Variants in SLCO5A1 observed in about 807,000 individuals in gnomAD.
The protein encoded by SLCO5A1 is organic anion transporter polypeptide-related protein 4.
Under a neutral mutation model 65.1 loss-of-function variants are expected in SLCO5A1, and 39 were observed. That is an observed-to-expected ratio of 0.60 (90% CI 0.46 to 0.78). SLCO5A1 has a LOEUF of 0.78. Among genes scored for constraint, SLCO5A1 ranks in the 30% least tolerant of loss-of-function variants. SLCO5A1 has a pLI of 0.00. For synonymous variants in SLCO5A1, 438 were observed against 415.7 expected, an observed-to-expected ratio of 1.05 and a Z score of -0.65; for missense variants, 1,029 against 1,069.4, an observed-to-expected ratio of 0.96 and a Z score of 0.53.
Position 69,672,801 on chromosome 8 carries a change from G to A in SLCO5A1, c.*68C>T. On this transcript the variant is annotated 3_prime_UTR_variant, in exon 10 of 10. Coordinates refer to ENST00000260126, the MANE Select transcript of SLCO5A1 (RefSeq NM_030958.3). ...AAAAAAAAGAAAGAAAGAAAAGAAG[G>A]CACAGTTGTTTCTCAAGTCGCCATT... The A allele has an allele frequency of 1.3e-6, 2 of 1,484,930 alleles. No individual in the cohort carries two copies. The highest frequency in any genetic ancestry group is 2.3e-5 in the East Asian group (1 of 43,940). 92.0% of individuals were successfully genotyped at this position (1,484,930 alleles called of 1,614,324 possible). A position where few individuals can be genotyped will look rare whatever the true frequency, so the allele number is the denominator to read the frequency against.
intron 2 of SLCO5A1, among the ~76,000 whole-genome samples, chr8:69,810,304 G>T (rs1164319340): frequency 6.6e-6 from 1 of 152,182 alleles, no homozygotes; most frequent in Non-Finnish European, 1.5e-5. Context: ...CCAGGCAGTG[G>T]GCATAAGCAG....
intron 2 of SLCO5A1, among the ~76,000 whole-genome samples, chr8:69,778,813 A>G (rs188689990): frequency 5.1e-4 from 77 of 152,326 alleles, no homozygotes; most frequent in Middle Eastern, 3.4e-3. Context: ...GGCACCTGAC[A>G]CATCCTGAAC....
intron 2 of SLCO5A1, among the ~76,000 whole-genome samples, chr8:69,800,249 T>TA (rs1819675819): frequency 7.0e-6 from 1 of 141,952 alleles, no homozygotes; most frequent in Non-Finnish European, 1.5e-5. Flanking sequence ...GCTTGAATTT[T>TA]TTTTTTTTTT....
chr8:69,680,078 C>T (rs1191978936), intron 7 of SLCO5A1, among the ~76,000 whole-genome samples: 1 of 152,184 alleles, frequency 6.6e-6, no homozygotes, highest in Non-Finnish European at 1.5e-5. Context: ...ATAGTGCAAT[C>T]GTGATGACTT....
At chr8:69,758,715 G>A (rs973486105) in intron 3 of SLCO5A1, among the ~76,000 whole-genome samples, 8 of 152,126 alleles carry the variant, frequency 5.3e-5, no homozygotes, top group Non-Finnish European at 1.0e-4. Context: ...AAATAACATC[G>A]ATACAACACA....
intron 6 of SLCO5A1, among the ~76,000 whole-genome samples, chr8:69,686,238 A>AAAAAAAAAG (rs1159085565): frequency 3.2e-4 from 48 of 151,970 alleles, no homozygotes; most frequent in South Asian, 6.2e-4. Context: ...CAGCAAAAAA[A>AAAAAAAAAG]AGAGAGAGAA....
In SLCO5A1 at chr8:69,688,144, CA is replaced by C. The variant is rs925822239; in HGVS notation, c.1623-5802del. Reference sequence around the variant, plus strand: ...CAAACATTGTGTCTCCAAATAGAGCCAAAAAAAAGACGAACTCATATATTTA... The same window carrying C: ...CAAACATTGTGTCTCCAAATAGAGCCAAAAAAAGACGAACTCATATATTTA... On this transcript the variant is annotated intron_variant, in intron 6 of 9. Coordinates refer to ENST00000260126, the MANE Select transcript of SLCO5A1 (RefSeq NM_030958.3). Among the ~76,000 whole-genome samples, 145 of 150,876 alleles carry C rather than the reference CA, an allele frequency of 9.6e-4. 1 individual carries two copies. Among genetic ancestry groups the C allele is most frequent in the African/African-American group, 3.4e-3 (140 of 41,166 alleles).
At chr8:69,695,349 A>T (rs1447069565) in intron 6 of SLCO5A1, among the ~76,000 whole-genome samples, 1 of 152,074 alleles carries the variant, frequency 6.6e-6, no homozygotes, top group Non-Finnish European at 1.5e-5. Context: ...TACGAAAATT[A>T]GCCGGGCATG....
intron 4 of SLCO5A1, among the ~76,000 whole-genome samples, chr8:69,744,327 C>T (rs1401732788): frequency 4.6e-5 from 7 of 152,192 alleles, no homozygotes; most frequent in Non-Finnish European, 5.9e-5. Context: ...TGTAGTCCTA[C>T]GGTTGCCCTG....
chr8:69,812,852 C>A (rs1402726990), intron 2 of SLCO5A1, among the ~76,000 whole-genome samples: 1 of 152,160 alleles, frequency 6.6e-6, no homozygotes, highest in Non-Finnish European at 1.5e-5. Flanking sequence ...TTATGTATAT[C>A]TTTAAGGAAG....
At chr8:69,754,256 C>A (rs753313965) in intron 4 of SLCO5A1, among the ~76,000 whole-genome samples, 1 of 151,998 alleles carries the variant, frequency 6.6e-6, no homozygotes, top group Non-Finnish European at 1.5e-5. Context: ...CACACTGTCA[C>A]AAAATCATGG....
At chr8:69,749,782 C>T (rs1453624774) in intron 4 of SLCO5A1, among the ~76,000 whole-genome samples, 1 of 150,658 alleles carries the variant, frequency 6.6e-6, no homozygotes, top group Non-Finnish European at 1.5e-5. Flanking sequence ...CTTACTTTCT[C>T]ATTGGGGAGA....
intron 6 of SLCO5A1, among the ~76,000 whole-genome samples, chr8:69,697,595 AG>A (rs1361522501): frequency 6.6e-6 from 1 of 152,192 alleles, no homozygotes; most frequent in Non-Finnish European, 1.5e-5. Flanking sequence ...AGAGATGGAA[AG>A]CCTCTCTGAG....
chr8:69,705,928 T>G (rs1814949731), intron 5 of SLCO5A1, among the ~76,000 whole-genome samples: 1 of 152,214 alleles, frequency 6.6e-6, no homozygotes, highest in South Asian at 2.1e-4. Context: ...GGCAATCAAT[T>G]CCATTCTTGG....
intron 2 of SLCO5A1, among the ~76,000 whole-genome samples, chr8:69,800,076 T>C (rs769856429): frequency 1.2e-4 from 18 of 152,160 alleles, no homozygotes; most frequent in Middle Eastern, 3.2e-3. Flanking sequence ...AACTATCTGT[T>C]GATAATTTGA....
intron 4 of SLCO5A1, among the ~76,000 whole-genome samples, chr8:69,747,142 C>A (rs1817069543): frequency 6.6e-6 from 1 of 152,170 alleles, no homozygotes; most frequent in Non-Finnish European, 1.5e-5. Context: ...CCTGATGCTC[C>A]CCCTGTGGCC....
At chr8:69,702,569 T>A (rs997473423) in intron 6 of SLCO5A1, among the ~76,000 whole-genome samples, 4 of 152,078 alleles carry the variant, frequency 2.6e-5, no homozygotes, top group South Asian at 4.1e-4. Context: ...GGACAAAAGA[T>A]GGCACAGTAT....
chr8:69,785,360 A>G (rs559127041), intron 2 of SLCO5A1, among the ~76,000 whole-genome samples: 8 of 152,344 alleles, frequency 5.3e-5, no homozygotes, highest in African/African-American at 1.9e-4. Context: ...TAAATTTAGT[A>G]AATCTTATTG....
chr8:69,776,263 A>G (rs1818546636), intron 2 of SLCO5A1, among the ~76,000 whole-genome samples: 1 of 152,216 alleles, frequency 6.6e-6, no homozygotes, highest in African/African-American at 2.4e-5. Context: ...TTGTTAACTA[A>G]ATTTTGAGAT....
Sources: gnomAD v4.1 joint callset for allele counts (sites outside exome capture counted in the v4.1 genomes callset) on GRCh38, gnomAD v4.1.1 for gene constraint, MANE v1.5 for transcripts, NCBI Gene and HGNC (gene_info 2026-07-23, HGNC 2026-07-21) for gene names.